Variants in DLG5 observed in about 807,000 individuals in gnomAD.
The protein encoded by DLG5 is discs large MAGUK scaffold protein 5, also known as disks large homolog 5.
A neutral mutation model predicts 189.8 loss-of-function variants in DLG5; 48 were observed. The ratio of observed to expected loss-of-function variants is 0.25; its 90% CI spans 0.20 to 0.32. The LOEUF is 0.32. DLG5 is among the 10% of genes least tolerant of loss of function. The pLI is 1.00. For missense variants in DLG5, 2,160 were observed against 2,544.7 expected, an observed-to-expected ratio of 0.85 and a Z score of 3.25; for synonymous variants, 1,016 against 1,054.1, an observed-to-expected ratio of 0.96 and a Z score of 0.70.
At chr10:77,837,037 A>G (rs1843172639) in intron 7 of DLG5, among the ~76,000 whole-genome samples, 2 of 151,918 alleles carry the variant, frequency 1.3e-5, no homozygotes, top group Admixed American at 1.3e-4. Flanking sequence ...CAACATGGTA[A>G]AACCCCATCT....
intron 1 of DLG5, among the ~76,000 whole-genome samples, chr10:77,898,663 G>A (rs886127417): frequency 1.3e-5 from 2 of 152,220 alleles, no homozygotes; most frequent in Non-Finnish European, 2.9e-5. Flanking sequence ...TGGGCCCCGC[G>A]TCTATCCCTT....
At chr10:77,846,253 A>G (rs1007787691) in intron 5 of DLG5, among the ~76,000 whole-genome samples, 2 of 152,214 alleles carry the variant, frequency 1.3e-5, no homozygotes, top group African/African-American at 4.8e-5. Context: ...CTCAAAAAAA[A>G]GACGAAGAAT....
At chr10:77,807,068 G>T in intron 25 of DLG5, 140 bp from the exon 26 acceptor site, 1 of 943,926 alleles carries the variant, frequency 1.1e-6, no homozygotes, top group Non-Finnish European at 1.5e-6. Flanking sequence ...GCCGAGGGTG[G>T]TGATTCTCAA....
At chr10:77,894,211 TC>T (rs1845693388) in intron 1 of DLG5, among the ~76,000 whole-genome samples, 1 of 152,174 alleles carries the variant, frequency 6.6e-6, no homozygotes, top group East Asian at 1.9e-4. Context: ...CTGTGTGAGC[TC>T]TGGAGCCCAA....
chr10:77,914,521 TAA>T (rs1846308727), intron 1 of DLG5, among the ~76,000 whole-genome samples: 1 of 151,650 alleles, frequency 6.6e-6, no homozygotes, highest in South Asian at 2.1e-4. Flanking sequence ...AGCTTAGGAG[TAA>T]AGAGCTAAGA....
At chr10:77,801,358 A>G (rs770858362) in intron 27 of DLG5, among the ~76,000 whole-genome samples, 1 of 152,222 alleles carries the variant, frequency 6.6e-6, no homozygotes, top group Non-Finnish European at 1.5e-5. Flanking sequence ...AGAGTGGAAT[A>G]ATGAACAGGA....
intron 1 of DLG5, among the ~76,000 whole-genome samples, chr10:77,887,066 C>G (rs1007924616): frequency 6.6e-6 from 1 of 152,182 alleles, no homozygotes; most frequent in Non-Finnish European, 1.5e-5. Context: ...ACAGTTGCAA[C>G]CATTTACCCA....
At chr10:77,811,817 C>A in intron 22 of DLG5, 107 bp downstream of exon 22, 1 of 1,424,214 alleles carries the variant, frequency 7.0e-7, no homozygotes, top group Non-Finnish European at 9.3e-7. Context: ...GCAGTAGGAT[C>A]CCCAGAACTT....
rs757155903 is a variant in DLG5 at position 77,920,827 on chromosome 10, C to T, written c.304+5390G>A. On this transcript the variant is annotated intron_variant, in intron 1 of 31. Transcript: ENST00000372391. ...CACAGCATCGATCCAAGAGGTCAAA[C>T]GTCCCAAAGGCCAGTTTCCACCATC... Among the ~76,000 whole-genome samples the T allele has an allele frequency of 1.2e-4, 18 of 152,306 alleles. No homozygotes were observed. In the South Asian group the frequency reaches 2.1e-3, roughly 18 times the overall value.
At chr10:77,885,806 C>G (rs1480852145) in intron 1 of DLG5, among the ~76,000 whole-genome samples, 1 of 152,218 alleles carries the variant, frequency 6.6e-6, no homozygotes, top group East Asian at 1.9e-4. Context: ...CCCTGACATC[C>G]TACAGGTGTT....
At chr10:77,799,239 C>G (rs2154574910) in intron 27 of DLG5, among the ~76,000 whole-genome samples, 1 of 152,314 alleles carries the variant, frequency 6.6e-6, no homozygotes, top group East Asian at 1.9e-4. Context: ...AACCTTAGAC[C>G]ATACGGCAAT....
chr10:77,834,895 T>C (rs748112212), intron 8 of DLG5, among the ~76,000 whole-genome samples: 1 of 152,086 alleles, frequency 6.6e-6, no homozygotes, highest in Non-Finnish European at 1.5e-5. Flanking sequence ...CCTCATCTCC[T>C]GACCAGCCCC....
Position 77,811,106 on chromosome 10 carries a change from T to C in DLG5, c.4451A>G (p.Gln1484Arg). 2 of 1,611,858 alleles carry C rather than the reference T, an allele frequency of 1.2e-6. No individual in the cohort carries two copies. The highest frequency in any genetic ancestry group is 1.7e-6 in the Non-Finnish European group (2 of 1,179,954). Residue 1484 changes from glutamine (Q) to arginine (R), a missense_variant, in exon 23 of 32, where the codon CAG becomes CGG. Gln to Arg is a conservative substitution (Grantham distance 43, BLOSUM62 1). Transcript: ENST00000372391. ...AACGTCTGCTGACCTGGAGCTGCTC[T>C]GCTTGGCTGGGGGGGTGCTAGGCCC... is the stretch of plus-strand genomic sequence containing the variant. ...DEGPSTPPAKQSSSRIAGDAN... is the reference protein window; with the variant it reads ...DEGPSTPPAKRSSSRIAGDAN...
At chr10:77,891,200 T>C (rs796971680) in intron 1 of DLG5, among the ~76,000 whole-genome samples, 28 of 152,306 alleles carry the variant, frequency 1.8e-4, no homozygotes, top group African/African-American at 6.5e-4. Flanking sequence ...GCTTCACCTA[T>C]GAGGCTGGGG....
At chr10:77,806,442 C>A (rs1841475998) in intron 26 of DLG5, among the ~76,000 whole-genome samples, 1 of 152,122 alleles carries the variant, frequency 6.6e-6, no homozygotes, top group Non-Finnish European at 1.5e-5. Flanking sequence ...GCTGCACACA[C>A]CTATCAATAT....
At chr10:77,859,324 G>A (rs941049740) in intron 2 of DLG5, among the ~76,000 whole-genome samples, 2 of 152,206 alleles carry the variant, frequency 1.3e-5, no homozygotes, top group African/African-American at 4.8e-5. Flanking sequence ...TATAGCCTAA[G>A]TGTACAGTGT....
At chr10:77,840,269 T>C (rs756905305) in intron 7 of DLG5, among the ~76,000 whole-genome samples, 1 of 151,772 alleles carries the variant, frequency 6.6e-6, no homozygotes, top group Non-Finnish European at 1.5e-5. Context: ...TCCCAGCTAC[T>C]TGGGGGGTCT....
At chr10:77,867,958 C>T (rs1429595351) in intron 2 of DLG5, 1 of 456,688 alleles carries the variant, frequency 2.2e-6, no homozygotes, top group Admixed American at 2.3e-5. Context: ...GGACGGAGAA[C>T]ATCATGTGAA....
At position 77,822,030 on chromosome 10, in the gene DLG5, C is replaced by T; in HGVS notation, c.2454G>A (p.Leu818=). ...FENIKDSDKM[L]SFRAHGPEVQ... ...CCTCCGGGCCATGGGCTCGAAAACT[C>T]AGCATCTTATCAGAGTCTTTGATAT... Residue 818 remains leucine, a synonymous_variant, in exon 15 of 32, where the codon CTG becomes CTA. Coordinates refer to ENST00000372391, the MANE Select transcript of DLG5 (RefSeq NM_004747.4). 6.2e-7 allele frequency: 1 copy of T among 1,614,182 alleles called. No homozygotes were observed. The highest frequency in any genetic ancestry group is 8.5e-7 in the Non-Finnish European group (1 of 1,180,016).
Sources: allele counts gnomAD v4.1 joint callset (sites outside exome capture counted in the v4.1 genomes callset), GRCh38; gene constraint gnomAD v4.1.1; transcripts MANE v1.5; gene names NCBI Gene and HGNC (gene_info 2026-07-23, HGNC 2026-07-21).